The following CACNA1E variants were observed in gnomAD, a reference collection of about 807,000 sequenced individuals.
CACNA1E encodes the protein voltage-dependent R-type calcium channel subunit alpha-1E.
Under a neutral mutation model 259.2 loss-of-function variants are expected in CACNA1E, and 40 were observed. The observed-to-expected ratio is 0.15, with a 90% CI of 0.12 to 0.20. CACNA1E has a LOEUF of 0.20. Ranked by LOEUF, CACNA1E falls within the 10% of genes least tolerant of loss-of-function variation. The pLI, the probability that CACNA1E is intolerant of heterozygous loss-of-function variation, is 1.00. For missense variants in CACNA1E, 1,874 were observed against 3,040.1 expected, an observed-to-expected ratio of 0.62 and a Z score of 9.02; for synonymous variants, 1,104 against 1,138.5, an observed-to-expected ratio of 0.97 and a Z score of 0.61.
rs187311992 is a variant in CACNA1E, at chr1:181,639,472, G to A, written c.952-11866G>A. 1.6e-3 allele frequency among the ~76,000 whole-genome samples: 247 copies of A among 152,288 alleles called. 1 individual carries two copies. Among genetic ancestry groups the A allele is most frequent in the Middle Eastern group, 6.8e-3 (2 of 294 alleles). On this transcript the variant is annotated intron_variant, in intron 6 of 47. Coordinates refer to ENST00000367573, the MANE Select transcript of CACNA1E (RefSeq NM_001205293.3). ...CTTAGGGTCTAAGTGACAGGAAAAT[G>A]TTCAGATAAAGATGTTTTAATTATG... is the stretch of plus-strand genomic sequence containing the variant.
At chr1:181,663,171 A>T (rs189164902) in intron 7 of CACNA1E, among the ~76,000 whole-genome samples, 15 of 152,354 alleles carry the variant, frequency 9.8e-5, no homozygotes. Context: ...ATACTACTAA[A>T]GATAAGATGT....
chr1:181,360,720 G>A (rs1653801115), intron 1 of CACNA1E, among the ~76,000 whole-genome samples: 1 of 152,130 alleles, frequency 6.6e-6, no homozygotes, highest in Admixed American at 6.5e-5. Context: ...ACACTTTAAG[G>A]TGGTGAATTT....
At chr1:181,413,837 A>C (rs1465851897) in intron 2 of CACNA1E, among the ~76,000 whole-genome samples, 2 of 152,164 alleles carry the variant, frequency 1.3e-5, no homozygotes, top group East Asian at 3.9e-4. Flanking sequence ...CCTTGCCCCC[A>C]AGGCTCACTT....
intron 7 of CACNA1E, among the ~76,000 whole-genome samples, chr1:181,672,040 A>G (rs1412343681): frequency 6.6e-6 from 1 of 152,244 alleles, no homozygotes; most frequent in African/African-American, 2.4e-5. Context: ...ATACTCATGG[A>G]ATATTATGCA....
At chr1:181,500,493 A>G (rs1665151317) in intron 1 of CACNA1E, among the ~76,000 whole-genome samples, 2 of 152,236 alleles carry the variant, frequency 1.3e-5, no homozygotes, top group Non-Finnish European at 2.9e-5. Context: ...TTAAACATCT[A>G]TTAGCACAAC....
intron 6 of CACNA1E, among the ~76,000 whole-genome samples, chr1:181,629,290 T>C (rs746880686): frequency 6.6e-6 from 1 of 152,032 alleles, no homozygotes; most frequent in Admixed American, 6.6e-5. Flanking sequence ...CTACATGGAG[T>C]GAGTTGTGGG....
Position 181,438,947 on chromosome 1 carries a change from G to A in CACNA1E, c.434+25367G>A, listed in dbSNP as rs1239322736. ...CCAAGGGAATAGATAAAGTGTGGTG[G>A]AGCATCTATGGGAGGGATATGCAGT... On this transcript the variant is annotated intron_variant, in intron 2 of 11. Transcript: ENST00000524607. 3.9e-5 allele frequency among the ~76,000 whole-genome samples: 6 copies of A among 152,336 alleles called. No individual in the cohort carries two copies. In the East Asian group the frequency reaches 1.2e-3, roughly 29 times the overall value.
At chr1:181,700,626 G>A (rs558004109) in intron 7 of CACNA1E, among the ~76,000 whole-genome samples, 5 of 152,274 alleles carry the variant, frequency 3.3e-5, no homozygotes, top group African/African-American at 1.2e-4. Flanking sequence ...TGTGATATGG[G>A]TAAGTCAAGT....
intron 7 of CACNA1E, among the ~76,000 whole-genome samples, chr1:181,679,005 G>C (rs748024167): frequency 1.2e-4 from 18 of 152,178 alleles, no homozygotes; most frequent in Non-Finnish European, 1.3e-4. Context: ...TATGATATCT[G>C]GTGAAAGTTC....
chr1:181,642,415 G>C (rs1303343693), intron 6 of CACNA1E, among the ~76,000 whole-genome samples: 3 of 152,128 alleles, frequency 2.0e-5, no homozygotes, highest in Non-Finnish European at 2.9e-5. Flanking sequence ...TGGAGAATCA[G>C]AGAGGGACTG....
At chr1:181,610,540 G>A (rs924093442) in intron 6 of CACNA1E, among the ~76,000 whole-genome samples, 18 of 152,188 alleles carry the variant, frequency 1.2e-4, no homozygotes, top group African/African-American at 1.7e-4. Flanking sequence ...TTGCAATACA[G>A]CAAAAAGTTC....
intron 7 of CACNA1E, among the ~76,000 whole-genome samples, chr1:181,674,223 CAAAAAAAAAAAAAA>C (rs58198967): frequency 2.3e-5 from 2 of 88,454 alleles, no homozygotes; most frequent in African/African-American, 7.5e-5. Flanking sequence ...ACTAAAAATA[CAAAAAAAAAAAAAA>C]AAAAAATTAG....
intron 7 of CACNA1E, among the ~76,000 whole-genome samples, chr1:181,686,275 GTTTTTTTTTTTTTTTTT>G (rs66526388): frequency 1.7e-5 from 1 of 58,634 alleles, no homozygotes; most frequent in Non-Finnish European, 3.2e-5. Context: ...TAAGAACCAA[GTTTTTTTTTTTTTTTTT>G]TTTTTTTTTT....
At chr1:181,403,055 G>A (rs1041704118) in intron 1 of CACNA1E, among the ~76,000 whole-genome samples, 4 of 152,144 alleles carry the variant, frequency 2.6e-5, no homozygotes, top group African/African-American at 9.7e-5. Context: ...CCAGCATGGT[G>A]CAGTAGATGG....
At chr1:181,399,345 T>C (rs1324792837) in intron 1 of CACNA1E, among the ~76,000 whole-genome samples, 1 of 152,182 alleles carries the variant, frequency 6.6e-6, no homozygotes, top group Non-Finnish European at 1.5e-5. Context: ...GGAGATACAT[T>C]GATTTTTGGC....
chr1:181,730,056 C>A (rs1572723227), intron 18 of CACNA1E, among the ~76,000 whole-genome samples: 1 of 152,182 alleles, frequency 6.6e-6, no homozygotes, highest in Non-Finnish European at 1.5e-5. Flanking sequence ...TCCTGGGTGG[C>A]CACACACATG....
chr1:181,374,967 G>C (rs1417832643), intron 1 of CACNA1E, among the ~76,000 whole-genome samples: 2 of 152,016 alleles, frequency 1.3e-5, no homozygotes, highest in African/African-American at 4.8e-5. Context: ...AAATATAAAA[G>C]ATACAAAAGG....
At chr1:181,401,897 C>T (rs1000616664) in intron 1 of CACNA1E, among the ~76,000 whole-genome samples, 10 of 152,286 alleles carry the variant, frequency 6.6e-5, no homozygotes, top group East Asian at 3.9e-4. Flanking sequence ...CCTAGAATAC[C>T]GACACCTTAA....
chr1:181,412,488 G>T (rs920432596), intron 1 of CACNA1E, among the ~76,000 whole-genome samples: 2 of 152,094 alleles, frequency 1.3e-5, no homozygotes, highest in African/African-American at 2.4e-5. Flanking sequence ...GAGGATCACC[G>T]GACCCTGGGA....
Sources: gnomAD v4.1 joint callset for allele counts (sites outside exome capture counted in the v4.1 genomes callset) on GRCh38, gnomAD v4.1.1 for gene constraint, MANE v1.5 for transcripts, NCBI Gene and HGNC (gene_info 2026-07-23, HGNC 2026-07-21) for gene names.